Variants in ANGPT1 observed in about 807,000 individuals in gnomAD.
ANGPT1 encodes angiopoietin-1.
In ANGPT1, 17 loss-of-function variants were observed where a neutral mutation model predicts 62.2. That is an observed-to-expected ratio of 0.27 (90% confidence interval 0.19 to 0.41). The LOEUF is 0.41. Among genes scored for constraint, ANGPT1 ranks in the 10% least tolerant of loss-of-function variants. The pLI, the probability that ANGPT1 is intolerant of heterozygous loss-of-function variation, is 1.00. For synonymous variants in ANGPT1, 199 were observed against 198.9 expected (o/e 1.00, Z 0.00); for missense variants, 478 against 594.9 (o/e 0.80, Z 2.04).
intron 1 of ANGPT1, among the ~76,000 whole-genome samples, chr8:107,378,647 G>A (rs1214861507): frequency 6.6e-6 from 1 of 151,932 alleles, no homozygotes; most frequent in African/African-American, 2.4e-5. Flanking sequence ...TGGATCATGG[G>A]GTGGTTTCCC....
intron 1 of ANGPT1, among the ~76,000 whole-genome samples, chr8:107,393,796 C>T (rs536524165): frequency 7.9e-5 from 12 of 152,164 alleles, no homozygotes; most frequent in South Asian, 4.2e-4. Flanking sequence ...GGCGGCTGGA[C>T]GAGACTCCAT....
At chr8:107,477,418 A>G (rs1812561733) in intron 1 of ANGPT1, among the ~76,000 whole-genome samples, 1 of 152,200 alleles carries the variant, frequency 6.6e-6, no homozygotes, top group South Asian at 2.1e-4. Context: ...AGACTGGAGT[A>G]GTAAGCCAGG....
intron 1 of ANGPT1, among the ~76,000 whole-genome samples, chr8:107,456,878 T>C (rs1490371290): frequency 6.6e-6 from 1 of 152,130 alleles, no homozygotes; most frequent in African/African-American, 2.4e-5. Flanking sequence ...TGGGATCTGC[T>C]AAGGAATGAA....
chr8:107,421,600 C>T (rs1157850003), intron 1 of ANGPT1, among the ~76,000 whole-genome samples: 1 of 152,178 alleles, frequency 6.6e-6, no homozygotes, highest in African/African-American at 2.4e-5. Flanking sequence ...AAAGAGGAGT[C>T]TTGCTGGTAA....
intron 1 of ANGPT1, among the ~76,000 whole-genome samples, chr8:107,432,834 T>C (rs1811228943): frequency 1.3e-5 from 2 of 152,224 alleles, no homozygotes; most frequent in Non-Finnish European, 2.9e-5. Context: ...CAAGGTCATC[T>C]TGACAATGTC....
At chr8:107,466,841 G>C (rs1005779761) in intron 1 of ANGPT1, among the ~76,000 whole-genome samples, 1 of 151,970 alleles carries the variant, frequency 6.6e-6, no homozygotes, top group Non-Finnish European at 1.5e-5. Flanking sequence ...GAACCCAGGA[G>C]GCCGAGGTTG....
At chr8:107,448,805 C>T (rs1811686960) in intron 1 of ANGPT1, among the ~76,000 whole-genome samples, 2 of 152,142 alleles carry the variant, frequency 1.3e-5, no homozygotes, top group Admixed American at 6.6e-5. Flanking sequence ...TCCCACCTAC[C>T]TAAGTTTGCA....
chr8:107,271,015 G>T (rs376762628), intron 7 of ANGPT1, among the ~76,000 whole-genome samples: 12 of 151,850 alleles, frequency 7.9e-5, no homozygotes, highest in African/African-American at 2.9e-4. Context: ...AAATAAGTAC[G>T]AATGAAAGAA....
chr8:107,258,631 C>T (rs1242198265), intron 8 of ANGPT1, among the ~76,000 whole-genome samples: 3 of 151,920 alleles, frequency 2.0e-5, no homozygotes, highest in Non-Finnish European at 4.4e-5. Context: ...AAACTTTGCC[C>T]GAGAAAATAG....
Position 107,497,663 on chromosome 8 carries a change from C to T in ANGPT1, c.-105G>A. 1 of 1,168,168 alleles carries T rather than the reference C, an allele frequency of 8.6e-7. No individual in the cohort carries two copies. Among genetic ancestry groups the T allele is most frequent in the Non-Finnish European group, 1.2e-6 (1 of 854,980 alleles). 72.4% of individuals were successfully genotyped at this position (1,168,168 alleles called of 1,614,324 possible). ...CAGGTAAAACTGCTTGTTTGTTTGA[C>T]TCTTTCCCCCTCAAAGAAAGCGTTT... On this transcript the variant is annotated 5_prime_UTR_variant, in exon 1 of 9. Coordinates refer to ENST00000517746, the MANE Select transcript of ANGPT1 (RefSeq NM_001146.5).
chr8:107,416,168 T>A (rs1481162095), intron 1 of ANGPT1, among the ~76,000 whole-genome samples: 1 of 152,122 alleles, frequency 6.6e-6, no homozygotes, highest in Non-Finnish European at 1.5e-5. Flanking sequence ...GGAGACACCA[T>A]CAAGTGCTCA....
chr8:107,292,266 C>G (rs920056175), intron 6 of ANGPT1, among the ~76,000 whole-genome samples: 1 of 152,148 alleles, frequency 6.6e-6, no homozygotes, highest in African/African-American at 2.4e-5. Flanking sequence ...TTCCTCCCAT[C>G]CTGCTTATAA....
At chr8:107,292,974 G>A (rs1462691810) in intron 6 of ANGPT1, among the ~76,000 whole-genome samples, 1 of 152,084 alleles carries the variant, frequency 6.6e-6, no homozygotes, top group African/African-American at 2.4e-5. Context: ...CATAAATATA[G>A]ATTCTCCTGC....
At chr8:107,393,116 A>G (rs992748682) in intron 1 of ANGPT1, among the ~76,000 whole-genome samples, 2 of 152,200 alleles carry the variant, frequency 1.3e-5, no homozygotes, top group African/African-American at 4.8e-5. Flanking sequence ...TTTTCACACC[A>G]ATCATGTTAC....
chr8:107,306,326 C>A (rs1814716881), intron 4 of ANGPT1, among the ~76,000 whole-genome samples: 1 of 152,096 alleles, frequency 6.6e-6, no homozygotes, highest in Non-Finnish European at 1.5e-5. Flanking sequence ...TGGTTTCATT[C>A]ATTGAATAAA....
At chr8:107,300,016 G>GATATGTAGTTATATCTAGATATAACTAT (rs1429738348) in intron 5 of ANGPT1, among the ~76,000 whole-genome samples, 1 of 129,880 alleles carries the variant, frequency 7.7e-6, no homozygotes, top group Non-Finnish European at 1.7e-5. Flanking sequence ...TAGATATCTA[G>GATATGTAGTTATATCTAGATATAACTAT]ATATGTAGTT....
chr8:107,351,114 G>A (rs755521877), intron 1 of ANGPT1, among the ~76,000 whole-genome samples: 3 of 152,058 alleles, frequency 2.0e-5, no homozygotes, highest in Non-Finnish European at 4.4e-5. Flanking sequence ...TAATGTAGGA[G>A]TCTCTCAACC....
intron 3 of ANGPT1, among the ~76,000 whole-genome samples, chr8:107,331,132 CTA>C (rs1365988883): frequency 6.6e-6 from 1 of 152,032 alleles, no homozygotes; most frequent in Non-Finnish European, 1.5e-5. Context: ...ATTTAAAAGA[CTA>C]TGATTTCATT....
At chr8:107,364,047 G>A (rs930114255) in intron 1 of ANGPT1, among the ~76,000 whole-genome samples, 1 of 151,894 alleles carries the variant, frequency 6.6e-6, no homozygotes, top group Non-Finnish European at 1.5e-5. Context: ...TATACTACAG[G>A]CTGGCCATAA....
Sources: allele counts gnomAD v4.1 joint callset (sites outside exome capture counted in the v4.1 genomes callset), GRCh38; gene constraint gnomAD v4.1.1; transcripts MANE v1.5; gene names NCBI Gene and HGNC (gene_info 2026-07-23, HGNC 2026-07-21).